Variants in HSPA14 observed in about 807,000 individuals in gnomAD.
HSPA14 encodes the protein heat shock 70 kDa protein 14.
HSPA14 carries 37 observed loss-of-function variants against 65.5 expected under a neutral mutation model. That is an observed-to-expected ratio of 0.56 (90% CI 0.43 to 0.74). The LOEUF (loss-of-function observed/expected upper bound fraction) is 0.74. HSPA14 is among the 30% of genes least tolerant of loss of function. The pLI, the probability that HSPA14 is intolerant of heterozygous loss-of-function variation, is 0.00. For missense variants in HSPA14, 564 were observed against 607.6 expected (o/e 0.93, Z 0.75); for synonymous variants, 203 against 214.2 (o/e 0.95, Z 0.46).
chr10:14,859,573 G>C (rs558423320), intron 10 of HSPA14, among the ~76,000 whole-genome samples: 7 of 152,250 alleles, frequency 4.6e-5, no homozygotes, highest in Admixed American at 4.6e-4. Context: ...CTGTGTTTTA[G>C]CCAAGTTCCT....
At chr10:14,870,946 A>G (rs1253587263) in intron 13 of HSPA14, among the ~76,000 whole-genome samples, 1 of 152,178 alleles carries the variant, frequency 6.6e-6, no homozygotes, top group Non-Finnish European at 1.5e-5. Flanking sequence ...TAATTTATCA[A>G]TTTCTAGTAT....
At chr10:14,852,591 T>A in intron 8 of HSPA14, 60 bp downstream of exon 8, 1 of 1,333,686 alleles carries the variant, frequency 7.5e-7, no homozygotes, top group Non-Finnish European at 1.0e-6. Context: ...CATATTTTAA[T>A]TTTTTTTCCT....
chr10:14,850,976 G>C (rs112064312), intron 6 of HSPA14: 5 of 335,614 alleles, frequency 1.5e-5, no homozygotes, highest in Non-Finnish European at 2.7e-5. Context: ...TATTCAGTAC[G>C]TGTGCTTTTT....
chr10:14,865,432 C>G (rs1336239286), intron 10 of HSPA14, among the ~76,000 whole-genome samples: 1 of 152,042 alleles, frequency 6.6e-6, no homozygotes, highest in Non-Finnish European at 1.5e-5. Flanking sequence ...CCTAGGTTTT[C>G]TTCTAGGGTT....
intron 8 of HSPA14, among the ~76,000 whole-genome samples, chr10:14,853,569 T>C (rs1477305860): frequency 2.0e-5 from 3 of 152,196 alleles, no homozygotes; most frequent in African/African-American, 7.2e-5. Context: ...CATGGTTACA[T>C]AATGTAGCAA....
chr10:14,858,725 G>A (rs767309563), intron 10 of HSPA14, among the ~76,000 whole-genome samples: 30 of 152,196 alleles, frequency 2.0e-4, no homozygotes, highest in Non-Finnish European at 3.8e-4. Context: ...TACGGGGAAC[G>A]GGGAGTGAAT....
Position 14,842,182 on chromosome 10 carries a change from G to A in HSPA14, c.221+2025G>A, listed in dbSNP as rs553571749. On this transcript the variant is annotated intron_variant, in intron 3 of 13. Transcript: ENST00000378372. This position sits in a 1 kb window ranked among gnomAD's most constrained non-coding sequence, Gnocchi z 5.2. Reference sequence around the variant, plus strand: ...GGCTTCTCAGCAATTATCCCTGAGAGGGAAGATCCTGGAGATATCCTGAGA... The same window carrying A: ...GGCTTCTCAGCAATTATCCCTGAGAAGGAAGATCCTGGAGATATCCTGAGA... 2 of 1,535,148 alleles carry A rather than the reference G, an allele frequency of 1.3e-6. No homozygotes were observed. Among genetic ancestry groups the A allele is most frequent in the South Asian group, 2.4e-5 (2 of 83,280 alleles).
chr10:14,871,297 A>G (rs1355671858), intron 13 of HSPA14, among the ~76,000 whole-genome samples: 1 of 152,200 alleles, frequency 6.6e-6, no homozygotes, highest in East Asian at 1.9e-4. Flanking sequence ...AAATACAACC[A>G]TGATCTTAGT....
chr10:14,867,160 T>G lies in HSPA14; in HGVS notation c.1071T>G (p.Leu357=). 1 of 1,613,792 alleles carries G rather than the reference T, an allele frequency of 6.2e-7. No individual in the cohort carries two copies. Among genetic ancestry groups the G allele is most frequent in the Non-Finnish European group, 8.5e-7 (1 of 1,179,794 alleles). Residue 357 remains leucine, a synonymous_variant, in exon 11 of 14, where the codon CTT becomes CTG. Transcript: ENST00000378372. ...LIKDLFPAVE[L]LNSIPPDEVI... ...AAGATCTTTTCCCAGCTGTTGAGCT[T>G]CTCAATTCTATCCCTCCTGATGAAG...
chr10:14,848,795 TG>T lies in HSPA14; in HGVS notation c.277del (p.Glu93LysfsTer10). On this transcript the variant is annotated frameshift_variant, in exon 5 of 14. Coordinates refer to ENST00000378372, the MANE Select transcript of HSPA14 (RefSeq NM_016299.4). LOFTEE classifies it high-confidence loss of function. Reference protein sequence around the residue: ...YIAESKCLVIEKNGKLRYEID... With the variant: ...YIAESKCLVIXKNGKLRYEID... ...AATTGTAATTTATTTTATAGGTCATTGAAAAAAATGGGAAATTACGATATGA... is the reference window on the plus strand; with the variant it reads ...AATTGTAATTTATTTTATAGGTCATTAAAAAAATGGGAAATTACGATATGA... 6.5e-7 allele frequency: 1 copy of T among 1,544,262 alleles called. No individual in the cohort carries two copies. Among genetic ancestry groups the T allele is most frequent in the Non-Finnish European group, 8.9e-7 (1 of 1,129,730 alleles).
chr10:14,842,340 C>T lies in HSPA14; in HGVS notation c.221+2183C>T. ...CGGTGGTCCAGACAGGAGACACGAA[C>T]TCTTCTCTCCATACTAGGCGAGGCA... On this transcript the variant is annotated intron_variant, in intron 3 of 13. Transcript: ENST00000378372. The surrounding 1 kb of genome is among the most constrained non-coding windows in gnomAD (Gnocchi z 5.2). 2 of 1,536,160 alleles carry T rather than the reference C, an allele frequency of 1.3e-6. No individual in the cohort carries two copies. The highest frequency in any genetic ancestry group is 2.7e-5 in the African/African-American group (2 of 73,172).
rs1216458888 is a variant in HSPA14 at position 14,854,812 on chromosome 10, A to G, written c.890+532A>G. Reference sequence around the variant, plus strand: ...ATCTGCACTGCCCAATAAAAGAGCCACTAGCCACCTGTGGCTGCTTAAATT... The same window carrying G: ...ATCTGCACTGCCCAATAAAAGAGCCGCTAGCCACCTGTGGCTGCTTAAATT... On this transcript the variant is annotated intron_variant, in intron 9 of 13. Transcript: ENST00000378372. 2.0e-5 allele frequency among the ~76,000 whole-genome samples: 3 copies of G among 152,226 alleles called. No homozygotes were observed. The East Asian group carries it at 5.8e-4, about 29-fold the overall frequency.
rs11814834 is a variant in HSPA14 at position 14,865,728 on chromosome 10, G to C, written c.994-1355G>C. On this transcript the variant is annotated intron_variant, in intron 10 of 13. Coordinates refer to ENST00000378372, the MANE Select transcript of HSPA14 (RefSeq NM_016299.4). ...ACCATGCTGTTTTGGTTACTGTAGCGTTATAGTATAGTTTGAAGTCAGGTA... is the reference window on the plus strand; with the variant it reads ...ACCATGCTGTTTTGGTTACTGTAGCCTTATAGTATAGTTTGAAGTCAGGTA... 8.3e-3 allele frequency among the ~76,000 whole-genome samples: 1,261 copies of C among 152,190 alleles called. 22 individuals are homozygous for C. The highest frequency in any genetic ancestry group is 0.029 in the African/African-American group (1,186 of 41,546).
At chr10:14,844,073 A>G (rs1384242204) in intron 3 of HSPA14, 1 of 1,425,242 alleles carries the variant, frequency 7.0e-7, no homozygotes, top group African/African-American at 1.4e-5. Context: ...ACCAAATGGA[A>G]GACCTTTCAG....
chr10:14,849,013 T>G (rs1407864456), intron 5 of HSPA14, 118 bp downstream of exon 5: 2 of 591,634 alleles, frequency 3.4e-6, no homozygotes, highest in African/African-American at 3.7e-5. Context: ...CACAGATAAG[T>G]AAGGACATAT....
At chr10:14,855,621 G>A (rs1041240683) in intron 9 of HSPA14, among the ~76,000 whole-genome samples, 1 of 152,106 alleles carries the variant, frequency 6.6e-6, no homozygotes, top group African/African-American at 2.4e-5. Flanking sequence ...ATATGTAGGT[G>A]AATGACCTAG....
chr10:14,850,438 T>C (rs567049466), intron 6 of HSPA14, among the ~76,000 whole-genome samples: 2 of 152,356 alleles, frequency 1.3e-5, no homozygotes, highest in South Asian at 4.1e-4. Context: ...TTTTAGAAAA[T>C]ATTTGTGCTT....
chr10:14,870,697 A>C, intron 13 of HSPA14, 30 bp downstream of exon 13: 7 of 1,507,896 alleles, frequency 4.6e-6, no homozygotes, highest in Non-Finnish European at 6.3e-6. Context: ...TTGTTAAGAA[A>C]ATTCAATTTG....
At chr10:14,856,020 G>A (rs1234231911) in intron 10 of HSPA14, 77 bp downstream of exon 10, 1 of 789,324 alleles carries the variant, frequency 1.3e-6, no homozygotes, top group Non-Finnish European at 2.1e-6. Flanking sequence ...TCTGGGTACT[G>A]AAAGAATATT....
Sources: allele counts gnomAD v4.1 joint callset (sites outside exome capture counted in the v4.1 genomes callset), GRCh38; gene constraint gnomAD v4.1.1; non-coding constraint Gnocchi (gnomAD v3.1); transcripts MANE v1.5; gene names NCBI Gene and HGNC (gene_info 2026-07-23, HGNC 2026-07-21).